Variants in LINGO2 observed in about 807,000 individuals in gnomAD.
LINGO2 encodes the protein leucine rich repeat and Ig domain containing 2, also known as leucine-rich repeat and immunoglobulin-like domain-containing nogo receptor-interacting protein 2.
A neutral mutation model predicts 30.6 loss-of-function variants in LINGO2; 14 were observed. The observed-to-expected ratio is 0.46, with a 90% CI of 0.30 to 0.72. The LOEUF is 0.72. LINGO2 is among the 30% of genes least tolerant of loss of function. The probability of loss-of-function intolerance (pLI) is 0.07; values close to 1 mark genes in which losing one functional copy is unlikely to be tolerated. For synonymous variants in LINGO2, 317 were observed against 288.5 expected, an observed-to-expected ratio of 1.10 and a Z score of -1.00; for missense variants, 729 against 751.7, an observed-to-expected ratio of 0.97 and a Z score of 0.35.
At chr9:29,056,591 G>C in the LINGO2 span, among the ~76,000 whole-genome samples, 4 of 152,078 alleles carry the variant, frequency 2.6e-5, no homozygotes, top group African/African-American at 9.7e-5. Flanking sequence ...AAGCTTTTTA[G>C]TTTAAGTCTC....
the LINGO2 span, among the ~76,000 whole-genome samples, chr9:29,183,181 A>AT: frequency 6.6e-6 from 1 of 152,348 alleles, no homozygotes; most frequent in South Asian, 2.1e-4. Flanking sequence ...TCTATTTCCA[A>AT]TGCAACAAAG....
At chr9:28,697,299 C>T in the LINGO2 span, among the ~76,000 whole-genome samples, 1 of 151,942 alleles carries the variant, frequency 6.6e-6, no homozygotes, top group Non-Finnish European at 1.5e-5. Context: ...TTTGTCACAA[C>T]ACCGTAGCAT....
the LINGO2 span, among the ~76,000 whole-genome samples, chr9:28,693,697 G>A: frequency 6.6e-6 from 1 of 151,932 alleles, no homozygotes; most frequent in Non-Finnish European, 1.5e-5. Flanking sequence ...GAAATGTCAG[G>A]GCAATCTAAT....
chr9:28,447,989 A>G (rs1824495971), intron 2 of LINGO2, among the ~76,000 whole-genome samples: 1 of 152,122 alleles, frequency 6.6e-6, no homozygotes, highest in Admixed American at 6.6e-5. Flanking sequence ...GAGATAGAAG[A>G]GAGGTCTCTA....
chr9:28,516,538 G>C (rs1820626302), intron 1 of LINGO2, among the ~76,000 whole-genome samples: 1 of 152,060 alleles, frequency 6.6e-6, no homozygotes, highest in African/African-American at 2.4e-5. Flanking sequence ...TCCTAGTCAG[G>C]GGACCTGGAA....
intron 1 of LINGO2, among the ~76,000 whole-genome samples, chr9:28,522,600 A>G (rs796727408): frequency 2.6e-5 from 4 of 152,362 alleles, no homozygotes; most frequent in African/African-American, 9.6e-5. Context: ...AATACAACTT[A>G]TACAAAAGGA....
the LINGO2 span, among the ~76,000 whole-genome samples, chr9:29,047,919 C>A: frequency 6.6e-6 from 1 of 151,952 alleles, no homozygotes. Flanking sequence ...GCCTGGCCAA[C>A]ATGGTGAAAC....
intron 1 of LINGO2, among the ~76,000 whole-genome samples, chr9:28,503,872 T>C (rs570815926): frequency 2.1e-4 from 32 of 151,284 alleles, no homozygotes; most frequent in African/African-American, 7.0e-4. Context: ...AAAAAAACAA[T>C]AAAAATAAAA....
At chr9:28,735,751 T>A in the LINGO2 span, among the ~76,000 whole-genome samples, 1 of 151,588 alleles carries the variant, frequency 6.6e-6, no homozygotes, top group South Asian at 2.1e-4. Flanking sequence ...TCAAAACAGG[T>A]GAACAAAAAT....
intron 4 of LINGO2, among the ~76,000 whole-genome samples, chr9:28,019,480 TG>T (rs1823008517): frequency 6.6e-6 from 1 of 151,996 alleles, no homozygotes; most frequent in Non-Finnish European, 1.5e-5. Flanking sequence ...AACTCACCAA[TG>T]AAACAAACTG....
At chr9:29,150,238 T>C in the LINGO2 span, among the ~76,000 whole-genome samples, 1 of 152,192 alleles carries the variant, frequency 6.6e-6, no homozygotes, top group South Asian at 2.1e-4. Context: ...TACAAAGCAT[T>C]GGCCCTCCGA....
At chr9:29,028,427 G>GGT in the LINGO2 span, among the ~76,000 whole-genome samples, 73,373 of 124,014 alleles carry the variant, frequency 0.59, 20,938 homozygotes, top group Admixed American at 0.66. Context: ...TGTGGGGGGG[G>GGT]GTGAGAGAGA....
the LINGO2 span, among the ~76,000 whole-genome samples, chr9:28,702,607 T>C: frequency 3.9e-5 from 6 of 151,948 alleles, no homozygotes; most frequent in Non-Finnish European, 8.8e-5. Context: ...TTTCTTGTAA[T>C]GGTCTTTGCC....
At chr9:28,543,485 A>T (rs1033635289) in intron 1 of LINGO2, among the ~76,000 whole-genome samples, 17 of 152,204 alleles carry the variant, frequency 1.1e-4, no homozygotes, top group African/African-American at 3.8e-4. Context: ...GCACTGAATA[A>T]TTTAGTGAAC....
At chr9:28,720,233 G>A in the LINGO2 span, among the ~76,000 whole-genome samples, 2 of 151,942 alleles carry the variant, frequency 1.3e-5, no homozygotes, top group African/African-American at 4.8e-5. Context: ...TCCTTTTCAA[G>A]CTTTGCCATA....
chr9:28,225,989 A>C (rs1821130763), intron 4 of LINGO2, among the ~76,000 whole-genome samples: 1 of 152,122 alleles, frequency 6.6e-6, no homozygotes, highest in African/African-American at 2.4e-5. Context: ...ATGCTAAATC[A>C]ATCTCCAGGA....
At chr9:28,183,765 T>C (rs1280510702) in intron 4 of LINGO2, among the ~76,000 whole-genome samples, 1 of 152,162 alleles carries the variant, frequency 6.6e-6, no homozygotes, top group Non-Finnish European at 1.5e-5. Context: ...AATTAAGACA[T>C]CTGTAGGCAT....
chr9:28,368,048 A>C lies in LINGO2; in HGVS notation c.-246+4788T>G, dbSNP rs544073345. Among the ~76,000 whole-genome samples the C allele has an allele frequency of 6.6e-4, 100 of 151,444 alleles. 1 individual carries two copies. The South Asian group carries it at 0.021, about 31-fold the overall frequency. On this transcript the variant is annotated intron_variant, in intron 3 of 5. Coordinates refer to ENST00000379992, the Ensembl canonical transcript of LINGO2. ...TCTCTCTCTATGTACATCTACCTCT[A>C]TCTCTGTATCTCTATCTCTATCTCA...
chr9:28,091,374 C>A (rs186645588), intron 4 of LINGO2, among the ~76,000 whole-genome samples: 3 of 151,772 alleles, frequency 2.0e-5, no homozygotes, highest in African/African-American at 7.3e-5. Context: ...GAGATGTAGA[C>A]CAATGGAACA....
Sources: gnomAD v4.1 joint callset for allele counts (sites outside exome capture counted in the v4.1 genomes callset) on GRCh38, gnomAD v4.1.1 for gene constraint, MANE v1.5 for transcripts, NCBI Gene and HGNC (gene_info 2026-07-23, HGNC 2026-07-21) for gene names.